Variants in CACHD1 observed in about 807,000 individuals in gnomAD.
CACHD1 encodes VWFA and cache domain-containing protein 1.
Under a neutral mutation model 138.7 loss-of-function variants are expected in CACHD1, and 71 were observed. The ratio of observed to expected loss-of-function variants is 0.51; its 90% CI spans 0.42 to 0.62. CACHD1 has a LOEUF of 0.62. Among genes scored for constraint, CACHD1 ranks in the 20% least tolerant of loss-of-function variants. The pLI, the probability that CACHD1 is intolerant of heterozygous loss-of-function variation, is 0.00. For synonymous variants in CACHD1, 578 were observed against 591.5 expected (o/e 0.98, Z 0.33); for missense variants, 1,389 against 1,625.3 (o/e 0.85, Z 2.50).
At chr1:64,566,464 C>T (rs1243833962) in intron 2 of CACHD1, among the ~76,000 whole-genome samples, 1 of 108,810 alleles carries the variant, frequency 9.2e-6, no homozygotes, top group African/African-American at 3.6e-5. Context: ...CAGTGCTCCA[C>T]TGTATGTTTT....
At position 64,681,828 on chromosome 1, in the gene CACHD1, A is replaced by C. The variant is rs570857102; in HGVS notation, c.3485-177A>C. On this transcript the variant is annotated intron_variant, in intron 25 of 26. Transcript: ENST00000651257. ...GGAGATATATAATTAAATACCTCTC[A>C]CTGCACCAGTTCTAAAATCAGCACC... Among the ~76,000 whole-genome samples the C allele has an allele frequency of 7.9e-5, 12 of 152,142 alleles. No individual in the cohort carries two copies. The South Asian group carries it at 2.5e-3, about 32-fold the overall frequency.
chr1:64,643,068 A>AAAAAAAAAAAAC (rs1648779628), intron 8 of CACHD1, among the ~76,000 whole-genome samples: 1 of 113,180 alleles, frequency 8.8e-6, no homozygotes, highest in African/African-American at 3.0e-5. Context: ...AAAAAAAAAA[A>AAAAAAAAAAAAC]AAAGCCATGT....
chr1:64,628,865 T>C (rs887556872), intron 4 of CACHD1, among the ~76,000 whole-genome samples: 4 of 152,292 alleles, frequency 2.6e-5, no homozygotes, highest in Admixed American at 1.3e-4. Flanking sequence ...TACTGAATGA[T>C]TATGGCCTGT....
chr1:64,618,632 G>A (rs904515940), intron 4 of CACHD1, among the ~76,000 whole-genome samples: 2 of 152,132 alleles, frequency 1.3e-5, no homozygotes. Flanking sequence ...AGATGTAAGT[G>A]GGAAGTGGGA....
In CACHD1 at chr1:64,647,896, GTGATTA is replaced by G; in HGVS notation, c.1253_1258del (p.Val418_Lys420delinsGlu). On this transcript the variant is annotated inframe_deletion, in exon 9 of 27. Coordinates refer to ENST00000651257, the MANE Select transcript of CACHD1 (RefSeq NM_020925.4). ...TGTGCCAGACCGGATGGCCTTGCCT[GTGATTA>G]AGGGCAGCATGATGGTGCTGAATCA... is the stretch of plus-strand genomic sequence containing the variant. 2 of 1,614,132 alleles carry G rather than the reference GTGATTA, an allele frequency of 1.2e-6. No individual in the cohort carries two copies. Among genetic ancestry groups the G allele is most frequent in the South Asian group, 2.2e-5 (2 of 91,082 alleles).
chr1:64,655,127 C>T (rs1033915228), intron 12 of CACHD1, among the ~76,000 whole-genome samples: 3 of 152,102 alleles, frequency 2.0e-5, no homozygotes, highest in Non-Finnish European at 2.9e-5. Flanking sequence ...ATTAGCCAGA[C>T]GTGGTGACAC....
At chr1:64,495,158 T>C (rs1646299001) in intron 1 of CACHD1, among the ~76,000 whole-genome samples, 1 of 152,110 alleles carries the variant, frequency 6.6e-6, no homozygotes, top group Admixed American at 6.6e-5. Context: ...TAAGCATGTA[T>C]TGGAAACCAA....
chr1:64,577,471 A>G (rs1190596405), intron 2 of CACHD1, among the ~76,000 whole-genome samples: 1 of 152,180 alleles, frequency 6.6e-6, no homozygotes, highest in African/African-American at 2.4e-5. Flanking sequence ...GTTGATCTCC[A>G]TATTACAAAG....
Position 64,682,042 on chromosome 1 carries a change from A to G in CACHD1, c.3522A>G (p.Arg1174=). 1 of 1,614,116 alleles carries G rather than the reference A, an allele frequency of 6.2e-7. No individual in the cohort carries two copies. Among genetic ancestry groups the G allele is most frequent in the Non-Finnish European group, 8.5e-7 (1 of 1,179,996 alleles). The change falls in exon 26 of 27, where the codon CGA becomes CGG. Residue 1174 remains arginine (R), a synonymous_variant. Transcript: ENST00000651257. ...NTRFIAAVIE[R]HAHSPERRRR... ...GGTTTATAGCTGCGGTCATCGAACG[A>G]CATGCACACAGTCCAGAAAGAAGGC...
chr1:64,688,092 A>G (rs552874355), intron 26 of CACHD1, among the ~76,000 whole-genome samples: 1 of 151,858 alleles, frequency 6.6e-6, no homozygotes, highest in East Asian at 1.9e-4. Context: ...CAATAGCAAG[A>G]TGAGGAAGGT....
In CACHD1 at chr1:64,653,778, T is replaced by G. The variant is rs755622502; in HGVS notation, c.1561T>G (p.Ser521Ala). The G allele has an allele frequency of 1.1e-5, 17 of 1,613,330 alleles. 1 individual carries two copies. The Admixed American group carries it at 2.0e-4, about 19-fold the overall frequency. Residue 521 changes from serine (S) to alanine (A), a missense_variant, in exon 11 of 27, where the codon TCT (serine) becomes GCT (alanine). By Grantham distance (99) the Ser-to-Ala change is moderately conservative. Coordinates refer to ENST00000651257, the MANE Select transcript of CACHD1 (RefSeq NM_020925.4). ...DDKGYTLMHP[S>A]LTRPYLLSEP... ...TGCAGGATATACACTTATGCACCCA[T>G]CTCTTACCAGGCCATATTTATTGTC...
intron 7 of CACHD1, among the ~76,000 whole-genome samples, chr1:64,638,374 TGCCCACATTGGTA>T (rs1405019770): frequency 1.3e-5 from 2 of 152,366 alleles, no homozygotes; most frequent in East Asian, 3.9e-4. Flanking sequence ...GTAAAGTGTA[TGCCCACATTGGTA>T]GCCATATAAA....
intron 1 of CACHD1, among the ~76,000 whole-genome samples, chr1:64,500,623 C>T (rs766188141): frequency 6.6e-5 from 10 of 150,638 alleles, no homozygotes; most frequent in South Asian, 6.3e-4. Context: ...GAAGTCGAGG[C>T]GGGAGGATCC....
chr1:64,581,689 G>T (rs937639312), intron 2 of CACHD1, among the ~76,000 whole-genome samples: 2 of 152,156 alleles, frequency 1.3e-5, no homozygotes, highest in East Asian at 3.9e-4. Context: ...TGTGTAGCAG[G>T]AGACACTGAA....
intron 7 of CACHD1, among the ~76,000 whole-genome samples, chr1:64,636,604 T>G (rs867355645): frequency 1.3e-5 from 2 of 152,198 alleles, no homozygotes; most frequent in African/African-American, 4.8e-5. Flanking sequence ...TCCTTGCAAC[T>G]GTAAAACTCA....
chr1:64,665,299 A>T, intron 15 of CACHD1, among the ~76,000 whole-genome samples: 1 of 152,044 alleles, frequency 6.6e-6, no homozygotes, highest in Middle Eastern at 3.2e-3. Context: ...TACAAAAAAA[A>T]AAATACAAAA....
chr1:64,673,037 A>G, intron 17 of CACHD1, 121 bp from the exon 18 acceptor site: 1 of 854,344 alleles, frequency 1.2e-6, no homozygotes, highest in Non-Finnish European at 1.9e-6. Context: ...ATGAGTATTT[A>G]TTGAGAACCT....
chr1:64,634,995 CAAAAAAAAA>C (rs71056059), intron 7 of CACHD1, among the ~76,000 whole-genome samples: 4 of 63,876 alleles, frequency 6.3e-5, no homozygotes, highest in East Asian at 5.5e-4. Flanking sequence ...GACTCTGTCT[CAAAAAAAAA>C]AAAAAAAAAA....
chr1:64,587,065 C>G (rs776077519), intron 3 of CACHD1, among the ~76,000 whole-genome samples: 12 of 152,146 alleles, frequency 7.9e-5, no homozygotes, highest in Non-Finnish European at 1.6e-4. Flanking sequence ...TCTGAATCTT[C>G]TTCATTCTTA....
Sources: allele counts gnomAD v4.1 joint callset (sites outside exome capture counted in the v4.1 genomes callset), GRCh38; gene constraint gnomAD v4.1.1; transcripts MANE v1.5; gene names NCBI Gene and HGNC (gene_info 2026-07-23, HGNC 2026-07-21).